SEC63: variants seen among roughly 807,000 people sequenced by gnomAD.
The protein encoded by SEC63 is SEC63 protein translocation regulator, also known as translocation protein SEC63 homolog.
SEC63 carries 56 observed loss-of-function variants against 116.2 expected under a neutral mutation model. The ratio of observed to expected loss-of-function variants is 0.48; its 90% CI spans 0.39 to 0.60. The LOEUF is 0.60. Ranked by LOEUF, SEC63 falls within the 20% of genes least tolerant of loss-of-function variation. SEC63 has a pLI of 0.00. For synonymous variants in SEC63, 273 were observed against 294.6 expected (o/e 0.93, Z 0.75); for missense variants, 668 against 900.0 (o/e 0.74, Z 3.30).
Position 107,898,614 on chromosome 6 carries a change from G to A in SEC63, c.1358-883C>T, listed in dbSNP as rs138172540. Among the ~76,000 whole-genome samples the A allele has an allele frequency of 6.3e-3, 949 of 151,840 alleles. 13 individuals are homozygous for A. The highest frequency in any genetic ancestry group is 0.022 in the African/African-American group (921 of 41,392). The stretch of plus-strand genomic sequence containing the variant: ...TGAAAAAGTATTTTTTCAATAAATG[G>A]TACTAAATACGTGTTTTTGCAATTA... On this transcript the variant is annotated intron_variant, in intron 13 of 20. Coordinates refer to ENST00000369002, the MANE Select transcript of SEC63 (RefSeq NM_007214.5).
rs542141890 is a variant in SEC63, at chr6:107,956,317, G to A, written c.124+1569C>T. On this transcript the variant is annotated intron_variant, in intron 1 of 20. Coordinates refer to ENST00000369002, the MANE Select transcript of SEC63 (RefSeq NM_007214.5). ...ATTGCACACATAATGGCTGTTAGGTGAAAATAAACTACTGAAAAGTGTACC... is the reference window on the plus strand; with the variant it reads ...ATTGCACACATAATGGCTGTTAGGTAAAAATAAACTACTGAAAAGTGTACC... 5.9e-5 allele frequency among the ~76,000 whole-genome samples: 9 copies of A among 152,240 alleles called. No homozygotes were observed. In the East Asian group the frequency reaches 1.5e-3, roughly 26 times the overall value.
chr6:107,956,720 G>T (rs1445329848), intron 1 of SEC63, among the ~76,000 whole-genome samples: 1 of 152,070 alleles, frequency 6.6e-6, no homozygotes, highest in Non-Finnish European at 1.5e-5. Context: ...GTTTCCTGCA[G>T]ATCACATGGG....
At chr6:107,928,249 G>C (rs374863637) in intron 2 of SEC63, among the ~76,000 whole-genome samples, 4 of 152,074 alleles carry the variant, frequency 2.6e-5, no homozygotes, top group Admixed American at 2.6e-4. Context: ...TTTGGAGGCC[G>C]AGGCAGGCAG....
At chr6:107,949,101 C>T (rs931599506) in intron 1 of SEC63, among the ~76,000 whole-genome samples, 2 of 152,196 alleles carry the variant, frequency 1.3e-5, no homozygotes, top group Non-Finnish European at 1.5e-5. Context: ...CCCCTACATC[C>T]ACACTTTGTT....
chr6:107,941,706 G>A (rs1004111970), intron 1 of SEC63, among the ~76,000 whole-genome samples: 4 of 152,234 alleles, frequency 2.6e-5, no homozygotes, highest in African/African-American at 9.6e-5. Context: ...AAACAGCTCT[G>A]TGAAGAAGGA....
intron 17 of SEC63, 75 bp downstream of exon 17, chr6:107,882,913 A>G (rs1256646628): frequency 3.0e-6 from 3 of 993,034 alleles, no homozygotes; most frequent in Non-Finnish European, 4.7e-6. Context: ...CAAATGAACA[A>G]CAACAACAAA....
intron 19 of SEC63, among the ~76,000 whole-genome samples, chr6:107,875,037 GT>G (rs991088881): frequency 6.6e-6 from 1 of 151,112 alleles, no homozygotes; most frequent in Non-Finnish European, 1.5e-5. Context: ...TTTTGTTTTT[GT>G]TTTTTTTAAG....
intron 1 of SEC63, among the ~76,000 whole-genome samples, chr6:107,950,778 C>A (rs1218070245): frequency 1.3e-5 from 2 of 152,020 alleles, no homozygotes; most frequent in Non-Finnish European, 1.5e-5. Flanking sequence ...GATCAAGCCC[C>A]AAAAGTAAGA....
chr6:107,877,916 C>A (rs902431381), intron 18 of SEC63, among the ~76,000 whole-genome samples: 1 of 152,136 alleles, frequency 6.6e-6, no homozygotes, highest in African/African-American at 2.4e-5. Flanking sequence ...GACAAGTACA[C>A]GGTGACATGA....
chr6:107,939,412 AC>A (rs1162070972), intron 1 of SEC63, among the ~76,000 whole-genome samples: 1 of 152,230 alleles, frequency 6.6e-6, no homozygotes, highest in Non-Finnish European at 1.5e-5. Context: ...GAAAACATAT[AC>A]CATGTAACCT....
intron 16 of SEC63, 69 bp downstream of exon 16, chr6:107,893,412 CG>C: frequency 6.8e-7 from 1 of 1,467,942 alleles, no homozygotes; most frequent in African/African-American, 1.4e-5. Context: ...AAGCTGTACA[CG>C]TAAGACTTGA....
At chr6:107,953,529 C>G (rs1252193928) in intron 1 of SEC63, among the ~76,000 whole-genome samples, 1 of 141,136 alleles carries the variant, frequency 7.1e-6, no homozygotes, top group Non-Finnish European at 1.5e-5. Context: ...GGTGGGGGGT[C>G]AGCCCCCCGC....
intron 8 of SEC63, among the ~76,000 whole-genome samples, chr6:107,908,040 A>G (rs2114452284): frequency 6.6e-6 from 1 of 152,360 alleles, no homozygotes; most frequent in Admixed American, 6.5e-5. Flanking sequence ...AAGGCAAAGT[A>G]GTATTAACTC....
chr6:107,895,919 C>A (rs1481862033), intron 14 of SEC63, among the ~76,000 whole-genome samples: 1 of 150,120 alleles, frequency 6.7e-6, no homozygotes, highest in African/African-American at 2.5e-5. Context: ...AATCCCAGCA[C>A]TTTGGGAGGC....
intron 1 of SEC63, among the ~76,000 whole-genome samples, chr6:107,939,208 A>C (rs1770318850): frequency 6.6e-6 from 1 of 152,174 alleles, no homozygotes; most frequent in South Asian, 2.1e-4. Context: ...ACCGGAGCCC[A>C]GCAGTTCGAG....
intron 1 of SEC63, among the ~76,000 whole-genome samples, chr6:107,930,803 T>G (rs931797918): frequency 4.0e-5 from 6 of 150,672 alleles, no homozygotes; most frequent in Non-Finnish European, 3.0e-5. Context: ...AAGACCAACC[T>G]GGCCAACATG....
At chr6:107,892,164 C>G (rs1786698010) in intron 16 of SEC63, among the ~76,000 whole-genome samples, 1 of 152,106 alleles carries the variant, frequency 6.6e-6, no homozygotes, top group South Asian at 2.1e-4. Flanking sequence ...TCCCCTTCCC[C>G]CAGGTGCTCT....
chr6:107,886,541 C>A (rs1320656940), intron 16 of SEC63, among the ~76,000 whole-genome samples: 1 of 152,026 alleles, frequency 6.6e-6, no homozygotes, highest in Admixed American at 6.6e-5. Context: ...TTTTTAATGA[C>A]TGCTGTTCTA....
chr6:107,913,481 G>A, intron 4 of SEC63, 54 bp from the exon 5 acceptor site: 4 of 1,259,624 alleles, frequency 3.2e-6, no homozygotes, highest in Non-Finnish European at 4.7e-6. Context: ...TGAAAAACAA[G>A]TACTCATATA....
Sources: allele counts gnomAD v4.1 joint callset (sites outside exome capture counted in the v4.1 genomes callset), GRCh38; gene constraint gnomAD v4.1.1; transcripts MANE v1.5; gene names NCBI Gene and HGNC (gene_info 2026-07-23, HGNC 2026-07-21).